Variants in RNGTT observed in about 807,000 individuals in gnomAD.
The protein encoded by RNGTT is mRNA-capping enzyme.
Under a neutral mutation model 79.3 loss-of-function variants are expected in RNGTT, and 33 were observed. The ratio of observed to expected loss-of-function variants is 0.42; its 90% confidence interval spans 0.32 to 0.56. The LOEUF is 0.56. Among genes scored for constraint, RNGTT ranks in the 20% least tolerant of loss-of-function variants. The pLI, the probability that RNGTT is intolerant of heterozygous loss-of-function variation, is 0.17. For missense variants in RNGTT, 497 were observed against 739.1 expected (o/e 0.67, Z 3.80); for synonymous variants, 222 against 235.9 (o/e 0.94, Z 0.54).
At chr6:88,816,049 T>C (rs1483381489) in intron 11 of RNGTT, among the ~76,000 whole-genome samples, 1 of 152,220 alleles carries the variant, frequency 6.6e-6, no homozygotes, top group Non-Finnish European at 1.5e-5. Flanking sequence ...TAGAATGTTG[T>C]ATGAAATATA....
chr6:88,818,437 G>T (rs778798649), intron 11 of RNGTT, among the ~76,000 whole-genome samples: 205 of 152,072 alleles, frequency 1.3e-3, no homozygotes, highest in Non-Finnish European at 2.4e-3. Context: ...ACAAAAATTA[G>T]CCAGGCATAG....
chr6:88,609,971 A>G lies in RNGTT; in HGVS notation c.*2748T>C, dbSNP rs1771963674. ...TGCATTAAAAATAATGTAACAGAAT[A>G]TCTACTCATACAGTAGACTGCTAAG... is the stretch of plus-strand genomic sequence containing the variant. On this transcript the variant is annotated 3_prime_UTR_variant, in exon 16 of 16. Coordinates refer to ENST00000369485, the MANE Select transcript of RNGTT (RefSeq NM_003800.5). Among the ~76,000 whole-genome samples the G allele has an allele frequency of 6.6e-6, 1 of 152,228 alleles. No homozygotes were observed. The highest frequency in any genetic ancestry group is 1.5e-5 in the Non-Finnish European group (1 of 68,036).
intron 12 of RNGTT, among the ~76,000 whole-genome samples, chr6:88,779,888 G>A (rs996278999): frequency 6.6e-6 from 1 of 152,142 alleles, no homozygotes; most frequent in Non-Finnish European, 1.5e-5. Context: ...AGCCACCTGG[G>A]GGGGCCAAGG....
intron 12 of RNGTT, among the ~76,000 whole-genome samples, chr6:88,798,195 T>A (rs1779663694): frequency 6.6e-6 from 1 of 152,126 alleles, no homozygotes; most frequent in African/African-American, 2.4e-5. Context: ...CCGGGTACAG[T>A]GGCTCATACC....
chr6:88,676,789 T>A (rs566892898), intron 14 of RNGTT, among the ~76,000 whole-genome samples: 4 of 152,192 alleles, frequency 2.6e-5, no homozygotes, highest in Non-Finnish European at 5.9e-5. Flanking sequence ...AGAGAAGATA[T>A]GAACATCCAT....
chr6:88,921,333 G>A (rs997176734), intron 4 of RNGTT, among the ~76,000 whole-genome samples: 2 of 151,364 alleles, frequency 1.3e-5, no homozygotes, highest in African/African-American at 4.9e-5. Flanking sequence ...AAAAAAAAAA[G>A]TAATCTTTGA....
At position 88,868,497 on chromosome 6, in the gene RNGTT, G is replaced by T. The variant is rs369163141; in HGVS notation, c.897-14733C>A. Among the ~76,000 whole-genome samples the T allele has an allele frequency of 1.1e-4, 17 of 152,252 alleles. No individual in the cohort carries two copies. In the East Asian group the frequency reaches 2.5e-3, roughly 22 times the overall value. ...TTATTAATCAGGTCGGTCCAGCTCA[G>T]GCTGTTTCTACCTCATGACTTTCTT... On this transcript the variant is annotated intron_variant, in intron 8 of 15. Transcript: ENST00000369485.
At position 88,859,479 on chromosome 6, in the gene RNGTT, T is replaced by C. The variant is rs1048254485; in HGVS notation, c.897-5715A>G. On this transcript the variant is annotated intron_variant, in intron 8 of 15. Transcript: ENST00000369485. ...AAGAAAAGCATTATAGGGCTATGCC[T>C]GGAAGAAGGTGAAAGAGGTCCATGT... Among the ~76,000 whole-genome samples the C allele has an allele frequency of 3.7e-4, 57 of 152,162 alleles. 1 individual carries two copies. The highest frequency in any genetic ancestry group is 3.0e-3 in the Admixed American group (46 of 15,268).
In RNGTT at chr6:88,901,495, C is replaced by CTTTTTTTTTTTTTTTTT. The variant is rs71024314; in HGVS notation, c.684+3203_684+3219dup. 1.1e-3 allele frequency among the ~76,000 whole-genome samples: 70 copies of CTTTTTTTTTTTTTTTTT among 65,814 alleles called. 9 individuals carry two copies. The highest frequency in any genetic ancestry group is 1.4e-3 in the Non-Finnish European group (50 of 36,370). The allele number at this position is 65,814 out of a possible 152,430, so 43.2% of individuals were successfully genotyped here. A position where few individuals can be genotyped will look rare whatever the true frequency, so the allele number is the denominator to read the frequency against. On this transcript the variant is annotated intron_variant, in intron 6 of 15. Transcript: ENST00000369485. ...AAAAATAACTGTCAAGCACCCTGAT[C>CTTTTTTTTTTTTTTTTT]TTTTTTTTTTTTTTTTTTTTTTTTT...
chr6:88,728,722 C>A (rs1366665819), intron 13 of RNGTT, among the ~76,000 whole-genome samples: 4 of 152,284 alleles, frequency 2.6e-5, no homozygotes, highest in Admixed American at 2.0e-4. Context: ...TTTCTTTAAT[C>A]CCCCGCTGCC....
At chr6:88,671,827 CA>C (rs1193013330) in intron 14 of RNGTT, among the ~76,000 whole-genome samples, 1 of 152,042 alleles carries the variant, frequency 6.6e-6, no homozygotes, top group Non-Finnish European at 1.5e-5. Context: ...TGATCTTTGA[CA>C]AAACAAATGA....
At chr6:88,618,020 T>C (rs1220072622) in intron 14 of RNGTT, among the ~76,000 whole-genome samples, 2 of 152,198 alleles carry the variant, frequency 1.3e-5, no homozygotes, top group Non-Finnish European at 2.9e-5. Context: ...TTTTGCTGAC[T>C]AGCAACTGTG....
At chr6:88,855,196 G>A (rs1781803655) in intron 8 of RNGTT, among the ~76,000 whole-genome samples, 1 of 152,166 alleles carries the variant, frequency 6.6e-6, no homozygotes, top group Non-Finnish European at 1.5e-5. Flanking sequence ...AGCAACGACT[G>A]AAAGATGCAG....
At chr6:88,925,243 C>A (rs975215876) in intron 4 of RNGTT, among the ~76,000 whole-genome samples, 2 of 152,066 alleles carry the variant, frequency 1.3e-5, no homozygotes, top group Non-Finnish European at 2.9e-5. Context: ...CTCTGAGACT[C>A]ACTTTCCTTA....
intron 9 of RNGTT, 66 bp downstream of exon 9, chr6:88,853,563 C>G: frequency 1.0e-6 from 1 of 992,568 alleles, no homozygotes; most frequent in Non-Finnish European, 1.5e-6. Context: ...CAGAAATACA[C>G]ATTTACTTAC....
At chr6:88,692,102 C>G (rs1324770875) in intron 13 of RNGTT, among the ~76,000 whole-genome samples, 1 of 152,084 alleles carries the variant, frequency 6.6e-6, no homozygotes, top group East Asian at 1.9e-4. Context: ...ACAAACACAA[C>G]AAAATGATGG....
intron 14 of RNGTT, among the ~76,000 whole-genome samples, chr6:88,635,679 T>G (rs1773073660): frequency 6.6e-6 from 1 of 152,122 alleles, no homozygotes; most frequent in South Asian, 2.1e-4. Context: ...CTGAAAATGC[T>G]CATAGATTCA....
intron 6 of RNGTT, 76 bp downstream of exon 6, chr6:88,904,639 A>G: frequency 6.9e-7 from 1 of 1,444,378 alleles, no homozygotes; most frequent in East Asian, 2.3e-5. Context: ...CATGGCCAAT[A>G]TTCCATTTTT....
At chr6:88,752,334 T>C (rs1277811771) in intron 13 of RNGTT, among the ~76,000 whole-genome samples, 1 of 152,082 alleles carries the variant, frequency 6.6e-6, no homozygotes, top group Admixed American at 6.5e-5. Context: ...TTAAGAAATG[T>C]ACAGTGGCTA....
Sources: gnomAD v4.1 joint callset for allele counts (sites outside exome capture counted in the v4.1 genomes callset) on GRCh38, gnomAD v4.1.1 for gene constraint, MANE v1.5 for transcripts, NCBI Gene and HGNC (gene_info 2026-07-23, HGNC 2026-07-21) for gene names.